Variants in FAM20A observed in about 807,000 individuals in gnomAD.
FAM20A encodes pseudokinase FAM20A.
FAM20A carries 42 observed loss-of-function variants against 52.0 expected under a neutral mutation model. That is an observed-to-expected ratio of 0.81 (90% CI 0.63 to 1.04). The LOEUF (loss-of-function observed/expected upper bound fraction) is 1.04, where lower values mean the gene tolerates loss of function less well. FAM20A is among the 50% of genes least tolerant of loss of function. The pLI is 0.00. For missense variants in FAM20A, 742 were observed against 712.7 expected (o/e 1.04, Z -0.47); for synonymous variants, 304 against 298.9 (o/e 1.02, Z -0.18).
intron 1 of FAM20A, among the ~76,000 whole-genome samples, chr17:68,578,478 T>C (rs893639014): frequency 6.6e-6 from 1 of 152,242 alleles, no homozygotes; most frequent in African/African-American, 2.4e-5. Flanking sequence ...TAGCAAATGT[T>C]GGCCTCCTTT....
chr17:68,599,932 CGGACGAGGGAGCGGGAGT>C (rs1165379455), intron 1 of FAM20A, among the ~76,000 whole-genome samples: 1 of 152,102 alleles, frequency 6.6e-6, no homozygotes, highest in Admixed American at 6.5e-5. Context: ...GGTTTGGGAG[CGGACGAGGGAGCGGGAGT>C]GGACGAGGGA....
At chr17:68,561,558 T>C (rs1232697498) in intron 1 of FAM20A, among the ~76,000 whole-genome samples, 1 of 151,828 alleles carries the variant, frequency 6.6e-6, no homozygotes, top group Non-Finnish European at 1.5e-5. Context: ...TAAAACACTT[T>C]AACAGCTGGT....
chr17:68,581,427 CTTTCTT>C (rs1568774577), intron 1 of FAM20A, among the ~76,000 whole-genome samples: 222 of 95,750 alleles, frequency 2.3e-3, no homozygotes, highest in African/African-American at 8.8e-3. Context: ...TTTCTCTTTT[CTTTCTT>C]TCTTTTCTTT....
At position 68,567,184 on chromosome 17, in the gene FAM20A, T is replaced by C. The variant is rs1337364339; in HGVS notation, c.405-11441A>G. On this transcript the variant is annotated intron_variant, in intron 1 of 10. Coordinates refer to ENST00000592554, the MANE Select transcript of FAM20A (RefSeq NM_017565.4). ...AAGATAGCAAATATTTTAGCCTTGG[T>C]GGACCCTATGGTCTCTGTCTCAACT... is the stretch of plus-strand genomic sequence containing the variant. Among the ~76,000 whole-genome samples, 9 of 151,962 alleles carry C rather than the reference T, an allele frequency of 5.9e-5. 1 individual carries two copies. The highest frequency in any genetic ancestry group is 1.9e-4 in the African/African-American group (8 of 41,212).
chr17:68,551,845 T>C, intron 4 of FAM20A, 28 bp downstream of exon 4: 1 of 1,518,626 alleles, frequency 6.6e-7, no homozygotes, highest in Non-Finnish European at 9.0e-7. Flanking sequence ...CCCAACTGGG[T>C]GTGGAAAGGA....
intron 4 of FAM20A, among the ~76,000 whole-genome samples, chr17:68,549,785 C>T (rs996783856): frequency 6.6e-6 from 1 of 150,942 alleles, no homozygotes; most frequent in African/African-American, 2.5e-5. Context: ...AGCATTGTGC[C>T]AAAGAGTCAC....
At chr17:68,564,440 G>A (rs2087314724) in intron 1 of FAM20A, among the ~76,000 whole-genome samples, 1 of 152,180 alleles carries the variant, frequency 6.6e-6, no homozygotes, top group African/African-American at 2.4e-5. Context: ...TGGCTAACCA[G>A]AAACAACCAG....
In FAM20A at chr17:68,568,226, T is replaced by A. The variant is rs1309149528; in HGVS notation, c.405-12483A>T. ...GGCTCACGCCTGTAATCCCAGTACT[T>A]TGGGAGGCCGAGGCAGGCGGATCAC... On this transcript the variant is annotated intron_variant, in intron 1 of 10. Transcript: ENST00000592554. Among the ~76,000 whole-genome samples the A allele has an allele frequency of 2.0e-5, 3 of 151,864 alleles. No individual in the cohort carries two copies. The East Asian group carries it at 5.8e-4, about 29-fold the overall frequency.
At chr17:68,578,005 CCACACA>C (rs752788424) in intron 1 of FAM20A, among the ~76,000 whole-genome samples, 8 of 149,666 alleles carry the variant, frequency 5.3e-5, no homozygotes, top group Admixed American at 3.3e-4. Context: ...ATTTCACACA[CCACACA>C]CACACACACA....
At chr17:68,569,293 C>T (rs546216273) in intron 1 of FAM20A, among the ~76,000 whole-genome samples, 37 of 152,002 alleles carry the variant, frequency 2.4e-4, no homozygotes, top group Non-Finnish European at 4.6e-4. Flanking sequence ...TTAACAGCTC[C>T]TGAATCTGTC....
At chr17:68,576,538 T>C (rs1343625899) in intron 1 of FAM20A, among the ~76,000 whole-genome samples, 11 of 152,164 alleles carry the variant, frequency 7.2e-5, no homozygotes, top group Admixed American at 6.5e-4. Flanking sequence ...CTTCTGACTG[T>C]CCCAGCCTCC....
intron 1 of FAM20A, among the ~76,000 whole-genome samples, chr17:68,584,513 TTCTC>T (rs1234381204): frequency 6.6e-6 from 1 of 152,160 alleles, no homozygotes; most frequent in Non-Finnish European, 1.5e-5. Flanking sequence ...GACAGGAAAG[TTCTC>T]TCTGAGTGGG....
At chr17:68,559,728 C>G (rs1200313904) in intron 1 of FAM20A, among the ~76,000 whole-genome samples, 1 of 152,214 alleles carries the variant, frequency 6.6e-6, no homozygotes, top group Non-Finnish European at 1.5e-5. Flanking sequence ...TAACCCGCTT[C>G]CCATCTCCAG....
chr17:68,542,563 C>G (rs1388203161), intron 6 of FAM20A, 131 bp downstream of exon 6: 3 of 761,782 alleles, frequency 3.9e-6, no homozygotes, highest in East Asian at 2.6e-5. Flanking sequence ...GAGTGTCTTA[C>G]AACTTCATAC....
At chr17:68,552,082 C>G in intron 3 of FAM20A, 131 bp from the exon 4 acceptor site, 1 of 691,322 alleles carries the variant, frequency 1.4e-6, no homozygotes, top group Non-Finnish European at 2.7e-6. Flanking sequence ...CTAGGATGTG[C>G]TCTCCATAGC....
At chr17:68,541,148 T>A in intron 7 of FAM20A, 190 bp from the exon 8 acceptor site, 3 of 742,074 alleles carry the variant, frequency 4.0e-6, no homozygotes, top group Non-Finnish European at 6.4e-6. Flanking sequence ...GGTGAGAAGG[T>A]CCTGGGTCCT....
chr17:68,593,461 T>A (rs2088366788), intron 1 of FAM20A, among the ~76,000 whole-genome samples: 1 of 152,226 alleles, frequency 6.6e-6, no homozygotes, highest in African/African-American at 2.4e-5. Context: ...CAACTTTCCT[T>A]CATGGCTTTT....
intron 1 of FAM20A, among the ~76,000 whole-genome samples, chr17:68,565,544 C>G (rs1044578018): frequency 3.3e-5 from 5 of 151,846 alleles, no homozygotes; most frequent in Non-Finnish European, 7.4e-5. Context: ...CAGGTGTGTG[C>G]CACCAAGCAT....
At chr17:68,554,040 A>ATATATACT (rs2086974303) in intron 3 of FAM20A, among the ~76,000 whole-genome samples, 2 of 130,346 alleles carry the variant, frequency 1.5e-5, no homozygotes, top group South Asian at 4.6e-4. Context: ...ACACACATGC[A>ATATATACT]TATATACACA....
Sources: allele counts gnomAD v4.1 joint callset (sites outside exome capture counted in the v4.1 genomes callset), GRCh38; gene constraint gnomAD v4.1.1; transcripts MANE v1.5; gene names NCBI Gene and HGNC (gene_info 2026-07-23, HGNC 2026-07-21).